The following TRIP11 variants were observed in gnomAD, a reference collection of about 807,000 sequenced individuals.
The protein encoded by TRIP11 is thyroid hormone receptor interactor 11, also known as thyroid receptor-interacting protein 11.
TRIP11 carries 148 observed loss-of-function variants against 223.1 expected under a neutral mutation model. The ratio of observed to expected loss-of-function variants is 0.66; its 90% CI spans 0.58 to 0.76. The LOEUF is 0.76. Ranked by LOEUF, TRIP11 falls within the 30% of genes least tolerant of loss-of-function variation. TRIP11 has a pLI of 0.00. For missense variants in TRIP11, 2,043 were observed against 2,222.0 expected (o/e 0.92, Z 1.62); for synonymous variants, 762 against 772.6 (o/e 0.99, Z 0.23).
At position 92,001,380 on chromosome 14, in the gene TRIP11, T is replaced by TG. The variant is rs533990988; in HGVS notation, c.4558-1273_4558-1272insC. On this transcript the variant is annotated intron_variant, in intron 11 of 20. Coordinates refer to ENST00000267622, the MANE Select transcript of TRIP11 (RefSeq NM_004239.4). Reference sequence around the variant, plus strand: ...TATTTTCCAAATAGTTTTTCAGTTTTTTTTTTTTTTCACACTACAAAGAAA... The same window carrying TG: ...TATTTTCCAAATAGTTTTTCAGTTTTGTTTTTTTTTTCACACTACAAAGAAA... 7.2e-4 allele frequency among the ~76,000 whole-genome samples: 110 copies of TG among 151,776 alleles called. 1 individual carries two copies. The East Asian group carries it at 0.016, about 22-fold the overall frequency.
At chr14:92,038,121 A>T (rs1042390178) in intron 1 of TRIP11, among the ~76,000 whole-genome samples, 9 of 152,194 alleles carry the variant, frequency 5.9e-5, no homozygotes, top group African/African-American at 2.2e-4. Flanking sequence ...GTAGGAGATG[A>T]AAAAAGACAT....
At chr14:92,010,927 T>C in intron 9 of TRIP11, 59 bp downstream of exon 9, 6 of 1,498,964 alleles carry the variant, frequency 4.0e-6, no homozygotes, top group Non-Finnish European at 3.7e-6. Flanking sequence ...CAACTGGCCC[T>C]TGGCTGTGAC....
intron 16 of TRIP11, among the ~76,000 whole-genome samples, chr14:91,976,562 A>G (rs565778758): frequency 1.1e-4 from 17 of 152,344 alleles, no homozygotes; most frequent in African/African-American, 4.1e-4. Flanking sequence ...GAGGAAGTAG[A>G]AAGGACTTTA....
chr14:91,975,257 T>A lies in TRIP11; in HGVS notation c.5372A>T (p.His1791Leu). 1 of 1,613,622 alleles carries A rather than the reference T, an allele frequency of 6.2e-7. No homozygotes were observed. Among genetic ancestry groups the A allele is most frequent in the Non-Finnish European group, 8.5e-7 (1 of 1,179,676 alleles). Reference sequence around the variant, plus strand: ...ACGCTGATTTTTCGGTGTGTGGAAATGACCAATGAAGAGGTTTCTCATTAG... The same window carrying A: ...ACGCTGATTTTTCGGTGTGTGGAAAAGACCAATGAAGAGGTTTCTCATTAG... ...KVLMRNLFIG[H>L]FHTPKNQRHE... Residue 1791 changes from histidine (H) to leucine (L), a missense_variant, in exon 18 of 21, where the codon CAT becomes CTT. Physicochemically the swap from His to Leu is moderately conservative, Grantham distance 99. Transcript: ENST00000267622.
chr14:91,994,001 A>G, intron 14 of TRIP11, 89 bp from the exon 15 acceptor site: 1 of 948,028 alleles, frequency 1.1e-6, no homozygotes, highest in Non-Finnish European at 1.7e-6. Context: ...TAATCCAACG[A>G]AAACAGTTCA....
chr14:91,995,231 C>T, intron 14 of TRIP11, 121 bp downstream of exon 14: 2 of 1,179,632 alleles, frequency 1.7e-6, no homozygotes, highest in Non-Finnish European at 2.5e-6. Flanking sequence ...CACCCTTCCC[C>T]TCTACCAGTG....
rs776973064 is a variant in TRIP11, at chr14:92,011,042, G to C, written c.1258C>G (p.Leu420Val). 2.5e-6 allele frequency: 4 copies of C among 1,613,926 alleles called. No homozygotes were observed. The highest frequency in any genetic ancestry group is 3.4e-6 in the Non-Finnish European group (4 of 1,179,968). Reference sequence around the variant, plus strand: ...TCTAAAACTTCGATACGCATTTTAAGTTTCAGATTGTCTTCAGCAAGACTG... The same window carrying C: ...TCTAAAACTTCGATACGCATTTTAACTTTCAGATTGTCTTCAGCAAGACTG... Reference protein sequence around the residue: ...DNSLAEDNLKLKMRIEVLEKE... With the variant: ...DNSLAEDNLKVKMRIEVLEKE... Residue 420 changes from leucine to valine, a missense_variant, in exon 9 of 21, where the codon CTT (leucine) becomes GTT (valine). Physicochemically the swap from Leu to Val is conservative, Grantham distance 32. Transcript: ENST00000267622.
intron 16 of TRIP11, chr14:91,977,193 T>C (rs960652076): frequency 1.5e-5 from 7 of 453,158 alleles, no homozygotes; most frequent in Non-Finnish European, 2.7e-5. Context: ...TCAGATATGA[T>C]TTACAAACAT....
chr14:92,021,654 A>T lies in TRIP11; in HGVS notation c.490T>A (p.Phe164Ile), dbSNP rs2057116302. ...PSAFHDDDMD[F>I]GDIISSQQEI... ...TGTTGGGATGAAATTATATCACCAA[A>T]GTCCATGTCATCGTCATGGAAAGCT... Residue 164 changes from phenylalanine (F) to isoleucine (I), a missense_variant, in exon 4 of 21, where the codon TTT becomes ATT. Phe to Ile is a conservative substitution (Grantham distance 21). Coordinates refer to ENST00000267622, the MANE Select transcript of TRIP11 (RefSeq NM_004239.4). 5 of 1,614,188 alleles carry T rather than the reference A, an allele frequency of 3.1e-6. No homozygotes were observed. The East Asian group carries it at 1.1e-4, about 36-fold the overall frequency.
intron 15 of TRIP11, among the ~76,000 whole-genome samples, chr14:91,993,550 C>T (rs998009728): frequency 4.2e-5 from 6 of 143,806 alleles, no homozygotes; most frequent in East Asian, 4.0e-4. Flanking sequence ...GTTTTTTCCC[C>T]GGAGACCTCT....
intron 14 of TRIP11, 56 bp downstream of exon 14, chr14:91,995,296 C>G: frequency 6.2e-7 from 1 of 1,606,546 alleles, no homozygotes; most frequent in Admixed American, 1.7e-5. Context: ...TCAAATTAGG[C>G]AAAATTACCA....
chr14:92,012,581 C>T (rs2056985874), intron 7 of TRIP11, among the ~76,000 whole-genome samples: 1 of 152,128 alleles, frequency 6.6e-6, no homozygotes, highest in Non-Finnish European at 1.5e-5. Flanking sequence ...CTAGGTACTT[C>T]TCAGTGGAGG....
At chr14:92,010,159 C>G (rs1180060298) in intron 9 of TRIP11, among the ~76,000 whole-genome samples, 4 of 152,228 alleles carry the variant, frequency 2.6e-5, no homozygotes, top group African/African-American at 9.6e-5. Flanking sequence ...CTTTCAGAAT[C>G]TTATTCCTTC....
intron 18 of TRIP11, 28 bp downstream of exon 18, chr14:91,975,144 G>A: frequency 6.4e-7 from 1 of 1,571,780 alleles, no homozygotes; most frequent in Non-Finnish European, 8.8e-7. Context: ...TTATGAATGT[G>A]TTCAGATGGC....
chr14:92,024,116 G>A (rs377624895), intron 3 of TRIP11, among the ~76,000 whole-genome samples: 2 of 152,116 alleles, frequency 1.3e-5, no homozygotes, highest in Non-Finnish European at 2.9e-5. Flanking sequence ...GGTGGCTCAC[G>A]CCTGTAATCC....
At chr14:91,993,938 A>C (rs1446255636) in intron 14 of TRIP11, 26 bp from the exon 15 acceptor site, 1 of 1,556,410 alleles carries the variant, frequency 6.4e-7, no homozygotes, top group African/African-American at 1.4e-5. Flanking sequence ...AGTTAACATT[A>C]GTATTTTGCA....
intron 15 of TRIP11, among the ~76,000 whole-genome samples, chr14:91,990,478 A>G (rs2056657802): frequency 6.6e-6 from 1 of 152,136 alleles, no homozygotes; most frequent in Admixed American, 6.6e-5. Flanking sequence ...TACACTTTAA[A>G]TTTTAAAAAA....
At chr14:92,022,150 G>A (rs759745760) in intron 3 of TRIP11, among the ~76,000 whole-genome samples, 10 of 152,134 alleles carry the variant, frequency 6.6e-5, no homozygotes, top group Non-Finnish European at 1.0e-4. Flanking sequence ...AATTTCTTAG[G>A]GTTCTGTTTG....
At chr14:92,014,760 A>G (rs1241151931) in intron 6 of TRIP11, among the ~76,000 whole-genome samples, 183 bp from the exon 7 acceptor site, 1 of 152,242 alleles carries the variant, frequency 6.6e-6, no homozygotes, top group Admixed American at 6.5e-5. Context: ...TCAACTACAT[A>G]AAGGCCTATG....
Sources: allele counts gnomAD v4.1 joint callset (sites outside exome capture counted in the v4.1 genomes callset), GRCh38; gene constraint gnomAD v4.1.1; transcripts MANE v1.5; gene names NCBI Gene and HGNC (gene_info 2026-07-23, HGNC 2026-07-21).